The following SNX25 variants were observed in gnomAD, a reference collection of about 807,000 sequenced individuals.
SNX25 encodes the protein sorting nexin 25.
A neutral mutation model predicts 113.7 loss-of-function variants in SNX25; 62 were observed. The observed-to-expected ratio is 0.55, with a 90% confidence interval of 0.44 to 0.67. The LOEUF (loss-of-function observed/expected upper bound fraction) is 0.67, where lower values mean the gene tolerates loss of function less well. Among genes scored for constraint, SNX25 ranks in the 30% least tolerant of loss-of-function variants. The probability of loss-of-function intolerance (pLI) is 0.00; values close to 1 mark genes in which losing one functional copy is unlikely to be tolerated. For missense variants in SNX25, 1,014 were observed against 1,161.0 expected, an observed-to-expected ratio of 0.87 and a Z score of 1.84; for synonymous variants, 421 against 436.2, an observed-to-expected ratio of 0.97 and a Z score of 0.43.
intron 1 of SNX25, among the ~76,000 whole-genome samples, chr4:185,223,143 A>G (rs999769954): frequency 5.9e-5 from 9 of 152,108 alleles, no homozygotes; most frequent in African/African-American, 1.9e-4. Flanking sequence ...CTCCACCCCA[A>G]TATCAGCACC....
chr4:185,344,899 C>G (rs2095277981), intron 12 of SNX25, among the ~76,000 whole-genome samples: 1 of 152,172 alleles, frequency 6.6e-6, no homozygotes, highest in African/African-American at 2.4e-5. Flanking sequence ...CACCTTAGCA[C>G]TGTGGAAAGC....
rs1561013386 is a variant in SNX25, at chr4:185,323,777, A to G, written c.1726A>G (p.Met576Val). 6.2e-7 allele frequency: 1 copy of G among 1,613,356 alleles called. No homozygotes were observed. Among genetic ancestry groups the G allele is most frequent in the Non-Finnish European group, 8.5e-7 (1 of 1,179,764 alleles). The part of the protein sequence containing the change: ...IKEEEKHASQ[M>V]ISNKDEMGPR... ...AGAGGAAGAAAAACATGCCTCACAGATGATTTCCAACAAGGATGAGATGGT... is the reference window on the plus strand; with the variant it reads ...AGAGGAAGAAAAACATGCCTCACAGGTGATTTCCAACAAGGATGAGATGGT... The change falls in exon 9 of 19, where the codon ATG (methionine) becomes GTG (valine). Residue 576 changes from methionine to valine, a missense_variant. Coordinates refer to ENST00000652585, the MANE Select transcript of SNX25 (RefSeq NM_001378034.2).
intron 2 of SNX25, among the ~76,000 whole-genome samples, chr4:185,256,642 T>C (rs1259447402): frequency 4.0e-5 from 6 of 150,894 alleles, no homozygotes; most frequent in African/African-American, 1.2e-4. Context: ...TTTTTTTTTT[T>C]TGAGTCAGGG....
intron 5 of SNX25, among the ~76,000 whole-genome samples, chr4:185,281,882 C>T (rs558531797): frequency 9.9e-5 from 15 of 151,980 alleles, no homozygotes; most frequent in South Asian, 4.2e-4. Context: ...CGGGTATGGT[C>T]GTGCGCACCT....
chr4:185,242,901 C>T (rs1744283503), intron 1 of SNX25, among the ~76,000 whole-genome samples: 2 of 152,194 alleles, frequency 1.3e-5, no homozygotes, highest in South Asian at 4.1e-4. Context: ...TATATCATAA[C>T]ACTGCACATA....
At position 185,267,035 on chromosome 4, in the gene SNX25, T is replaced by G; in HGVS notation, c.971T>G (p.Leu324Arg). 1.9e-6 allele frequency: 3 copies of G among 1,614,070 alleles called. No homozygotes were observed. Among genetic ancestry groups the G allele is most frequent in the Non-Finnish European group, 2.5e-6 (3 of 1,179,952 alleles). The change falls in exon 5 of 19, where the codon CTG becomes CGG. Residue 324 changes from leucine to arginine, a missense_variant. Coordinates refer to ENST00000652585, the MANE Select transcript of SNX25 (RefSeq NM_001378034.2). ...DYINQMLLAQ[L>R]AYREQMNEHH... ...ATTAACCAAATGCTGCTTGCCCAGC[T>G]GGCGTACAGAGAGCAAATGAATGAG...
At chr4:185,315,726 A>AG (rs1462448949) in intron 7 of SNX25, among the ~76,000 whole-genome samples, 1 of 151,826 alleles carries the variant, frequency 6.6e-6, no homozygotes, top group Non-Finnish European at 1.5e-5. Flanking sequence ...ACCAAACCAG[A>AG]GGAAAAAAAA....
intron 5 of SNX25, 123 bp from the exon 6 acceptor site, chr4:185,287,889 G>T (rs764347457): frequency 3.8e-6 from 3 of 783,454 alleles, no homozygotes; most frequent in Non-Finnish European, 6.0e-6. Flanking sequence ...ATTTTATGGA[G>T]CCTTGGGCAG....
chr4:185,322,041 A>G (rs1044568091), intron 8 of SNX25, among the ~76,000 whole-genome samples: 3 of 152,240 alleles, frequency 2.0e-5, no homozygotes, highest in Non-Finnish European at 4.4e-5. Context: ...CCGAGGGGCA[A>G]CCGTATATGT....
At chr4:185,223,336 A>G (rs1230435550) in intron 1 of SNX25, among the ~76,000 whole-genome samples, 1 of 152,032 alleles carries the variant, frequency 6.6e-6, no homozygotes, top group Non-Finnish European at 1.5e-5. Context: ...AACTTAGAGG[A>G]TTTGTCCTGT....
chr4:185,239,990 A>G (rs1040929171), intron 1 of SNX25, among the ~76,000 whole-genome samples: 1 of 150,852 alleles, frequency 6.6e-6, no homozygotes, highest in African/African-American at 2.4e-5. Flanking sequence ...GCTTCCTTCA[A>G]GCATCTGTTT....
intron 5 of SNX25, among the ~76,000 whole-genome samples, chr4:185,277,823 C>T (rs1313426700): frequency 1.9e-5 from 1 of 52,042 alleles, no homozygotes; most frequent in African/African-American, 7.0e-5. Flanking sequence ...AGCTCCGCCT[C>T]CCGGGTTCAC....
intron 9 of SNX25, among the ~76,000 whole-genome samples, chr4:185,324,115 C>A (rs542978291): frequency 6.6e-6 from 1 of 152,262 alleles, no homozygotes; most frequent in African/African-American, 2.4e-5. Context: ...TCTGGTCTGA[C>A]TCCTGAAAAG....
At chr4:185,231,236 C>G (rs1051007989) in intron 1 of SNX25, among the ~76,000 whole-genome samples, 1 of 151,514 alleles carries the variant, frequency 6.6e-6, no homozygotes, top group African/African-American at 2.4e-5. Context: ...GTAGCCGGGA[C>G]TACAGGCTCC....
At chr4:185,283,585 T>A (rs1326190995) in intron 5 of SNX25, among the ~76,000 whole-genome samples, 1 of 152,176 alleles carries the variant, frequency 6.6e-6, no homozygotes, top group Non-Finnish European at 1.5e-5. Context: ...AGAAAAACCC[T>A]AGAGAAGATA....
intron 1 of SNX25, among the ~76,000 whole-genome samples, chr4:185,245,934 A>G (rs1421460256): frequency 6.6e-6 from 1 of 152,124 alleles, no homozygotes; most frequent in East Asian, 1.9e-4. Flanking sequence ...AAAATTCCTT[A>G]TACATGTACT....
chr4:185,314,994 C>T (rs2095060421), intron 7 of SNX25, among the ~76,000 whole-genome samples: 2 of 149,382 alleles, frequency 1.3e-5, no homozygotes, highest in African/African-American at 2.5e-5. Context: ...TTTGGGAGGC[C>T]GAGGCGGGCG....
chr4:185,354,804 T>C (rs1281502233), intron 15 of SNX25, among the ~76,000 whole-genome samples: 1 of 152,214 alleles, frequency 6.6e-6, no homozygotes, highest in Non-Finnish European at 1.5e-5. Context: ...CAGTAGACTT[T>C]GTCATACCTA....
At chr4:185,247,461 T>G in intron 2 of SNX25, 83 bp downstream of exon 2, 1 of 1,067,078 alleles carries the variant, frequency 9.4e-7, no homozygotes, top group Admixed American at 2.0e-5. Flanking sequence ...TCCAGCAAAT[T>G]TATTCTTCTT....
Sources: allele counts gnomAD v4.1 joint callset (sites outside exome capture counted in the v4.1 genomes callset), GRCh38; gene constraint gnomAD v4.1.1; transcripts MANE v1.5; gene names NCBI Gene and HGNC (gene_info 2026-07-23, HGNC 2026-07-21).